FAF1: variants seen among roughly 807,000 people sequenced by gnomAD.
FAF1 encodes FAS-associated factor 1.
Under a neutral mutation model 92.5 loss-of-function variants are expected in FAF1, and 25 were observed. The observed-to-expected ratio is 0.27, with a 90% CI of 0.20 to 0.38. The LOEUF (loss-of-function observed/expected upper bound fraction) is 0.38, where lower values mean the gene tolerates loss of function less well. Ranked by LOEUF, FAF1 falls within the 10% of genes least tolerant of loss-of-function variation. The pLI is 1.00. For missense variants in FAF1, 636 were observed against 793.3 expected (o/e 0.80, Z 2.38); for synonymous variants, 234 against 273.2 (o/e 0.86, Z 1.42).
intron 15 of FAF1, among the ~76,000 whole-genome samples, chr1:50,521,038 AATTC>A (rs1408334128): frequency 6.6e-6 from 1 of 152,144 alleles, no homozygotes; most frequent in Non-Finnish European, 1.5e-5. Flanking sequence ...TTTATATATT[AATTC>A]ATTATTTTTA....
chr1:50,565,167 A>G (rs147401185), intron 13 of FAF1, among the ~76,000 whole-genome samples: 4 of 152,100 alleles, frequency 2.6e-5, no homozygotes, highest in Non-Finnish European at 4.4e-5. Context: ...TAAATTTGTA[A>G]TATGGACAGA....
At chr1:50,535,229 TA>T (rs778941269) in intron 15 of FAF1, 139 bp downstream of exon 15, 10 of 597,328 alleles carry the variant, frequency 1.7e-5, no homozygotes, top group Non-Finnish European at 2.9e-5. Context: ...CTCCATAGCA[TA>T]AAAACCCTTG....
intron 8 of FAF1, among the ~76,000 whole-genome samples, chr1:50,618,913 T>G (rs2124168913): frequency 6.6e-6 from 1 of 151,998 alleles, no homozygotes; most frequent in Admixed American, 6.5e-5. Context: ...CATACCACCA[T>G]GCCCGGCTGA....
In FAF1 at chr1:50,468,459, A is replaced by ATTT. The variant is rs370937786; in HGVS notation, c.1869+7002_1869+7004dup. On this transcript the variant is annotated intron_variant, in intron 18 of 18. Transcript: ENST00000396153. Reference sequence around the variant, plus strand: ...AGGTGCACGCCACTACACTTGGCTAATTTTTTTTTTTTTTTTTTGAGATGG... The same window carrying ATTT: ...AGGTGCACGCCACTACACTTGGCTAATTTTTTTTTTTTTTTTTTTTTGAGATGG... Among the ~76,000 whole-genome samples, 7 of 130,716 alleles carry ATTT rather than the reference A, an allele frequency of 5.4e-5. 2 individuals are homozygous for ATTT. Among genetic ancestry groups the ATTT allele is most frequent in the African/African-American group, 2.1e-4 (7 of 32,828 alleles). 85.8% of individuals were successfully genotyped at this position (130,716 alleles called of 152,430 possible).
chr1:50,832,068 GA>G (rs1255456251), intron 2 of FAF1, among the ~76,000 whole-genome samples: 1 of 151,948 alleles, frequency 6.6e-6, no homozygotes, highest in Non-Finnish European at 1.5e-5. Flanking sequence ...CTAGTTGCAG[GA>G]AAATAAGTTC....
At chr1:50,671,168 G>C (rs548411420) in intron 7 of FAF1, among the ~76,000 whole-genome samples, 43 of 152,262 alleles carry the variant, frequency 2.8e-4, no homozygotes, top group African/African-American at 1.0e-3. Context: ...ACTTTGGGAG[G>C]CTGAGGCAGG....
In FAF1 at chr1:50,567,149, G is replaced by T; in HGVS notation, c.1196C>A (p.Ser399Tyr). The change falls in exon 13 of 19, where the codon TCC becomes TAC. Residue 399 changes from serine to tyrosine, a missense_variant. By Grantham distance (144) the Ser-to-Tyr change is moderately radical. Coordinates refer to ENST00000396153, the MANE Select transcript of FAF1 (RefSeq NM_007051.3). ...VFCSQMLCAE[S>Y]IVSYLSQNFI... Reference sequence around the variant, plus strand: ...ATTTTGACTCAGATAAGAAACAATGGATTCAGCACAAAGCATTTGTGAGCA... The same window carrying T: ...ATTTTGACTCAGATAAGAAACAATGTATTCAGCACAAAGCATTTGTGAGCA... The T allele has an allele frequency of 6.2e-7, 1 of 1,610,194 alleles. No homozygotes were observed.
chr1:50,951,788 G>C (rs1645215963), intron 1 of FAF1, among the ~76,000 whole-genome samples: 1 of 152,154 alleles, frequency 6.6e-6, no homozygotes, highest in African/African-American at 2.4e-5. Context: ...TACTTAGTTT[G>C]GTCCCTAATC....
At chr1:50,567,924 A>C (rs1039145689) in intron 12 of FAF1, among the ~76,000 whole-genome samples, 2 of 152,106 alleles carry the variant, frequency 1.3e-5, no homozygotes, top group Non-Finnish European at 2.9e-5. Flanking sequence ...CCCTTTTGCC[A>C]TAATAAAAGT....
intron 15 of FAF1, among the ~76,000 whole-genome samples, chr1:50,518,443 C>CTTT (rs747169544): frequency 0.013 from 1,897 of 140,962 alleles, 40 homozygotes; most frequent in African/African-American, 0.045. Context: ...AAGTTTCTTT[C>CTTT]TTTTTTTTTT....
intron 4 of FAF1, among the ~76,000 whole-genome samples, chr1:50,744,980 A>G (rs1659531404): frequency 6.6e-6 from 1 of 152,160 alleles, no homozygotes; most frequent in Non-Finnish European, 1.5e-5. Flanking sequence ...GATAGCATAC[A>G]TTAATGAAAC....
At chr1:50,602,986 C>T (rs550626366) in intron 8 of FAF1, among the ~76,000 whole-genome samples, 6 of 152,274 alleles carry the variant, frequency 3.9e-5, no homozygotes, top group African/African-American at 1.4e-4. Flanking sequence ...TTATAATCCC[C>T]ACTTTAGAGA....
At position 50,602,386 on chromosome 1, in the gene FAF1, A is replaced by C. The variant is rs185716614; in HGVS notation, c.745-6170T>G. Among the ~76,000 whole-genome samples, 370 of 152,326 alleles carry C rather than the reference A, an allele frequency of 2.4e-3. 5 individuals are homozygous for C. The highest frequency in any genetic ancestry group is 5.4e-4 in the Non-Finnish European group (37 of 68,028). The stretch of plus-strand genomic sequence containing the variant: ...TTTTAATCTGTGTATTTGTATGTCA[A>C]GATGTATCCAACTGTACACTTAAAA... On this transcript the variant is annotated intron_variant, in intron 8 of 18. Transcript: ENST00000396153.
At chr1:50,719,938 T>C (rs1658338062) in intron 6 of FAF1, among the ~76,000 whole-genome samples, 1 of 152,180 alleles carries the variant, frequency 6.6e-6, no homozygotes, top group Non-Finnish European at 1.5e-5. Context: ...TGAGGACAAG[T>C]TTCTTCTTTC....
chr1:50,897,358 C>A (rs147141486), intron 1 of FAF1, among the ~76,000 whole-genome samples: 2 of 152,280 alleles, frequency 1.3e-5, no homozygotes, highest in African/African-American at 4.8e-5. Flanking sequence ...TCTGTTCCCA[C>A]AATTTAAACA....
intron 15 of FAF1, among the ~76,000 whole-genome samples, chr1:50,523,303 A>G (rs1228205867): frequency 6.6e-6 from 1 of 152,168 alleles, no homozygotes; most frequent in South Asian, 2.1e-4. Context: ...CCTGGTTCAA[A>G]TGGTTACTCT....
At chr1:50,556,569 C>T (rs1649593030) in intron 13 of FAF1, among the ~76,000 whole-genome samples, 1 of 152,150 alleles carries the variant, frequency 6.6e-6, no homozygotes, top group Non-Finnish European at 1.5e-5. Flanking sequence ...GGCAGAGTGG[C>T]TTATGCCTGT....
chr1:50,630,826 A>ATTTTTTTTTTTT (rs1471050080), intron 8 of FAF1, among the ~76,000 whole-genome samples: 1 of 125,336 alleles, frequency 8.0e-6, no homozygotes. Context: ...AGTGTATCAT[A>ATTTTTTTTTTTT]TCTTTTTTTT....
chr1:50,959,917 G>C lies in FAF1; in HGVS notation c.-106C>G. The C allele has an allele frequency of 1.4e-6, 1 of 690,598 alleles. No homozygotes were observed. The highest frequency in any genetic ancestry group is 1.9e-6 in the Non-Finnish European group (1 of 522,678). 42.8% of individuals were successfully genotyped at this position (690,598 alleles called of 1,614,324 possible). A position where few individuals can be genotyped will look rare whatever the true frequency, so the allele number is the denominator to read the frequency against. ...ACCGCCGCCGCCGCCGCCGGGCGCC[G>C]AGGGGCTGGCGGGCGAGCCGGCGGG... On this transcript the variant is annotated 5_prime_UTR_variant, in exon 1 of 19. Transcript: ENST00000396153.
Sources: gnomAD v4.1 joint callset for allele counts (sites outside exome capture counted in the v4.1 genomes callset) on GRCh38, gnomAD v4.1.1 for gene constraint, MANE v1.5 for transcripts, NCBI Gene and HGNC (gene_info 2026-07-23, HGNC 2026-07-21) for gene names.